SLC9A2: variants seen among roughly 807,000 people sequenced by gnomAD.
The protein encoded by SLC9A2 is sodium/hydrogen exchanger 2.
A neutral mutation model predicts 71.7 loss-of-function variants in SLC9A2; 42 were observed. The ratio of observed to expected loss-of-function variants is 0.59; its 90% CI spans 0.46 to 0.76. The LOEUF (loss-of-function observed/expected upper bound fraction) is 0.76. Among genes scored for constraint, SLC9A2 ranks in the 30% least tolerant of loss-of-function variants. The probability of loss-of-function intolerance (pLI) is 0.00; values close to 1 mark genes in which losing one functional copy is unlikely to be tolerated. For synonymous variants in SLC9A2, 396 were observed against 392.5 expected (o/e 1.01, Z -0.10); for missense variants, 829 against 1,017.4 (o/e 0.81, Z 2.52).
intron 11 of SLC9A2, 79 bp from the exon 12 acceptor site, chr2:102,708,040 G>C (rs1317893274): frequency 6.1e-6 from 9 of 1,468,946 alleles, no homozygotes; most frequent in Non-Finnish European, 7.4e-6. Flanking sequence ...TCAGTTGCCT[G>C]ACTCACTAAG....
chr2:102,696,156 T>C (rs373924028), intron 7 of SLC9A2, among the ~76,000 whole-genome samples: 10 of 152,202 alleles, frequency 6.6e-5, no homozygotes, highest in East Asian at 5.8e-4. Flanking sequence ...CATTTGGCAC[T>C]GTCCAGAGTG....
intron 4 of SLC9A2, 112 bp from the exon 5 acceptor site, chr2:102,684,022 G>T: frequency 1.4e-6 from 1 of 733,822 alleles, no homozygotes; most frequent in Admixed American, 2.5e-5. Flanking sequence ...AGACTTTGGG[G>T]CCTATTCTTA....
chr2:102,708,174 GC>G lies in SLC9A2; in HGVS notation c.2127del (p.Arg710GlufsTer26). On this transcript the variant is annotated frameshift_variant, in exon 12 of 12. Transcript: ENST00000233969. LOFTEE classifies it low-confidence loss of function (END_TRUNC). ...DAGTTVLNLQ[P>X]RARRFLPEQF... is the part of the protein sequence containing the mutation. ...CCGGGACCACCGTGCTCAATTTGCA[GC>G]CCAGAGCCAGGCGCTTCTTGCCAGA... 6.2e-7 allele frequency: 1 copy of G among 1,614,160 alleles called. No homozygotes were observed. The highest frequency in any genetic ancestry group is 8.5e-7 in the Non-Finnish European group (1 of 1,180,034).
intron 5 of SLC9A2, among the ~76,000 whole-genome samples, chr2:102,693,960 TTTA>T (rs1215497624): frequency 6.6e-6 from 1 of 151,912 alleles, no homozygotes; most frequent in Admixed American, 6.6e-5. Context: ...TGGATAATAC[TTTA>T]TTATTATTAC....
chr2:102,674,215 G>A (rs547952743), intron 3 of SLC9A2, among the ~76,000 whole-genome samples: 18 of 152,284 alleles, frequency 1.2e-4, no homozygotes, highest in East Asian at 5.8e-4. Context: ...CAGCCCCTTC[G>A]TGAGGAGGTT....
intron 3 of SLC9A2, among the ~76,000 whole-genome samples, chr2:102,675,658 T>C (rs1292703250): frequency 6.6e-6 from 1 of 152,082 alleles, no homozygotes; most frequent in Non-Finnish European, 1.5e-5. Flanking sequence ...GCACACTAAC[T>C]AGTCTAGGCA....
At chr2:102,664,445 GCA>G (rs58155284) in intron 2 of SLC9A2, among the ~76,000 whole-genome samples, 17,043 of 147,746 alleles carry the variant, frequency 0.12, 1,497 homozygotes, top group African/African-American at 0.25. Context: ...TTCAGCAGAT[GCA>G]CACACACACA....
chr2:102,620,176 T>G (rs1350167384), intron 1 of SLC9A2, 39 bp downstream of exon 1: 1 of 1,550,706 alleles, frequency 6.4e-7, no homozygotes, highest in Non-Finnish European at 8.8e-7. Flanking sequence ...GAGGGGGCGA[T>G]CTCGGGGGGA....
chr2:102,706,325 C>CAA (rs1321449192), intron 11 of SLC9A2, among the ~76,000 whole-genome samples: 35 of 2,508 alleles, frequency 0.014, no homozygotes, highest in East Asian at 0.019. Context: ...GACTCCGTCT[C>CAA]AAAAAAAAAA....
At chr2:102,656,265 A>G (rs903019025) in intron 1 of SLC9A2, among the ~76,000 whole-genome samples, 1 of 152,062 alleles carries the variant, frequency 6.6e-6, no homozygotes, top group African/African-American at 2.4e-5. Flanking sequence ...TCCTCCTAAC[A>G]TGTTCTCTGT....
intron 3 of SLC9A2, among the ~76,000 whole-genome samples, chr2:102,675,295 G>C (rs1219578729): frequency 2.0e-5 from 3 of 152,160 alleles, no homozygotes; most frequent in African/African-American, 7.2e-5. Context: ...AAGGTGAACT[G>C]AACTCTAGGT....
intron 5 of SLC9A2, chr2:102,686,290 A>C (rs1337982167): frequency 6.6e-6 from 1 of 152,224 alleles, no homozygotes; most frequent in African/African-American, 2.4e-5. Context: ...AGATACTAAA[A>C]TGTAAAGCAG....
At chr2:102,662,279 G>A (rs895118974) in intron 2 of SLC9A2, among the ~76,000 whole-genome samples, 1 of 152,206 alleles carries the variant, frequency 6.6e-6, no homozygotes, top group Non-Finnish European at 1.5e-5. Context: ...GTTTTGTAAG[G>A]ATTAGGAATG....
At chr2:102,653,686 C>G (rs1392931304) in intron 1 of SLC9A2, among the ~76,000 whole-genome samples, 1 of 152,128 alleles carries the variant, frequency 6.6e-6, no homozygotes, top group Non-Finnish European at 1.5e-5. Flanking sequence ...GAGCAGCACC[C>G]CATGTGAAAG....
At chr2:102,632,021 TATATATATATATATATAC>T (rs1487788585) in intron 1 of SLC9A2, among the ~76,000 whole-genome samples, 14 of 81,516 alleles carry the variant, frequency 1.7e-4, no homozygotes, top group African/African-American at 5.3e-4. Flanking sequence ...TATATATATA[TATATATATATATATATAC>T]ATACACACAC....
chr2:102,682,962 G>A (rs114937553), intron 3 of SLC9A2, among the ~76,000 whole-genome samples: 161 of 152,302 alleles, frequency 1.1e-3, no homozygotes, highest in African/African-American at 3.5e-3. Context: ...GATACAGAAA[G>A]GAGAGCTGAT....
At chr2:102,635,585 C>G (rs946750379) in intron 1 of SLC9A2, among the ~76,000 whole-genome samples, 5 of 152,244 alleles carry the variant, frequency 3.3e-5, no homozygotes, top group Non-Finnish European at 5.9e-5. Flanking sequence ...CATCCCTCCT[C>G]AAGAGAGGTT....
chr2:102,650,423 ATGGT>A (rs1558707433), intron 1 of SLC9A2, among the ~76,000 whole-genome samples: 3 of 152,226 alleles, frequency 2.0e-5, no homozygotes, highest in Non-Finnish European at 4.4e-5. Context: ...GCAAACCACA[ATGGT>A]ACATGTATAC....
At chr2:102,665,497 G>T (rs535171410) in intron 3 of SLC9A2, 147 bp downstream of exon 3, 4 of 889,816 alleles carry the variant, frequency 4.5e-6, no homozygotes, top group African/African-American at 3.4e-5. Flanking sequence ...TTTTTCGGAC[G>T]GGCACAGTGG....
Sources: gnomAD v4.1 joint callset for allele counts (sites outside exome capture counted in the v4.1 genomes callset) on GRCh38, gnomAD v4.1.1 for gene constraint, MANE v1.5 for transcripts, NCBI Gene and HGNC (gene_info 2026-07-23, HGNC 2026-07-21) for gene names.